The following FSTL4 variants were observed in gnomAD, a reference collection of about 807,000 sequenced individuals.
FSTL4 encodes follistatin like 4.
Under a neutral mutation model 78.2 loss-of-function variants are expected in FSTL4, and 28 were observed. The observed-to-expected ratio is 0.36, with a 90% CI of 0.27 to 0.49. FSTL4 has a LOEUF of 0.49. Among genes scored for constraint, FSTL4 ranks in the 20% least tolerant of loss-of-function variants. FSTL4 has a pLI of 0.98. For missense variants in FSTL4, 922 were observed against 1,084.9 expected (o/e 0.85, Z 2.11); for synonymous variants, 422 against 440.5 (o/e 0.96, Z 0.53).
chr5:133,274,987 C>A (rs1752847280), intron 6 of FSTL4, among the ~76,000 whole-genome samples: 1 of 152,194 alleles, frequency 6.6e-6, no homozygotes, highest in Admixed American at 6.5e-5. Flanking sequence ...TTAGGCTGGG[C>A]ACAGTGGCTC....
intron 4 of FSTL4, among the ~76,000 whole-genome samples, chr5:133,391,995 T>C (rs1755861452): frequency 6.6e-6 from 1 of 152,188 alleles, no homozygotes; most frequent in Non-Finnish European, 1.5e-5. Context: ...CCAAATAGTA[T>C]CTGATGCATA....
chr5:133,201,146 C>T (rs984919656), intron 15 of FSTL4, among the ~76,000 whole-genome samples: 28 of 152,146 alleles, frequency 1.8e-4, no homozygotes, highest in African/African-American at 5.8e-4. Context: ...TGCTTGATGG[C>T]GGATTATAGA....
intron 3 of FSTL4, among the ~76,000 whole-genome samples, chr5:133,476,327 G>A (rs1472643422): frequency 1.3e-5 from 2 of 152,126 alleles, no homozygotes; most frequent in Admixed American, 6.5e-5. Flanking sequence ...ATGGCCCCTC[G>A]ACCGCCTTGT....
chr5:133,688,174 C>T, the FSTL4 span, among the ~76,000 whole-genome samples: 2 of 152,178 alleles, frequency 1.3e-5, no homozygotes, highest in East Asian at 1.9e-4. Context: ...TTTGAGAGGT[C>T]GAGGCAGGCG....
intron 3 of FSTL4, among the ~76,000 whole-genome samples, chr5:133,479,191 G>A (rs141320331): frequency 2.3e-4 from 35 of 152,270 alleles, no homozygotes; most frequent in African/African-American, 8.2e-4. Context: ...CTGCTTGCCT[G>A]CATGACAATC....
intron 3 of FSTL4, among the ~76,000 whole-genome samples, chr5:133,402,311 C>T (rs1051912023): frequency 2.0e-5 from 3 of 152,200 alleles, no homozygotes; most frequent in African/African-American, 7.2e-5. Context: ...AAAGGCGAAA[C>T]AGGCGTCCAT....
chr5:133,269,660 G>A (rs1752726235), intron 6 of FSTL4, among the ~76,000 whole-genome samples: 1 of 152,162 alleles, frequency 6.6e-6, no homozygotes, highest in East Asian at 1.9e-4. Context: ...CACTAGAGAT[G>A]GTCCTTTGTC....
chr5:133,826,772 T>C, the FSTL4 span, among the ~76,000 whole-genome samples: 1 of 152,250 alleles, frequency 6.6e-6, no homozygotes, highest in African/African-American at 2.4e-5. Flanking sequence ...GGACCACCTA[T>C]TCAACCTAGT....
chr5:133,220,086 C>T (rs2061742560), intron 12 of FSTL4, among the ~76,000 whole-genome samples: 1 of 152,256 alleles, frequency 6.6e-6, no homozygotes, highest in African/African-American at 2.4e-5. Context: ...GGCTCCAAGC[C>T]CGTAACTATT....
the FSTL4 span, among the ~76,000 whole-genome samples, chr5:133,621,967 T>C: frequency 6.6e-6 from 1 of 152,294 alleles, no homozygotes; most frequent in Non-Finnish European, 1.5e-5. Context: ...AACTGACATG[T>C]ATAAAATGAA....
intron 4 of FSTL4, among the ~76,000 whole-genome samples, chr5:133,328,239 C>T (rs1021877251): frequency 9.9e-5 from 15 of 152,218 alleles, no homozygotes; most frequent in East Asian, 3.9e-4. Flanking sequence ...CACCTGAATA[C>T]GCAGACAATG....
At chr5:133,684,621 T>C in the FSTL4 span, among the ~76,000 whole-genome samples, 50,809 of 152,060 alleles carry the variant, frequency 0.33, 8,753 homozygotes, top group East Asian at 0.41. Context: ...CTGGTCTTTC[T>C]GCCTTCGAGT....
At chr5:133,260,600 C>T (rs146652150) in intron 6 of FSTL4, among the ~76,000 whole-genome samples, 64 of 152,330 alleles carry the variant, frequency 4.2e-4, no homozygotes, top group African/African-American at 1.3e-3. Context: ...TCTCTAAGCA[C>T]GGCTCCCAGG....
intron 4 of FSTL4, among the ~76,000 whole-genome samples, chr5:133,389,957 C>T (rs975549241): frequency 3.3e-5 from 5 of 152,208 alleles, no homozygotes; most frequent in Non-Finnish European, 7.3e-5. Context: ...AGAGAGCTAG[C>T]CAGGCCGAAT....
chr5:133,769,959 G>A, the FSTL4 span, among the ~76,000 whole-genome samples: 2 of 152,048 alleles, frequency 1.3e-5, no homozygotes, highest in Non-Finnish European at 2.9e-5. Flanking sequence ...TGTGGCATTT[G>A]ATTTTCTGTT....
intron 3 of FSTL4, among the ~76,000 whole-genome samples, chr5:133,408,626 A>G (rs547689376): frequency 4.7e-4 from 71 of 152,238 alleles, no homozygotes; most frequent in African/African-American, 1.6e-3. Flanking sequence ...TTCCTACGGT[A>G]CTTGTGTTGA....
chr5:133,567,208 G>A lies in FSTL4; in HGVS notation c.138C>T (p.Ser46=). 1.2e-6 allele frequency: 2 copies of A among 1,608,618 alleles called. No individual in the cohort carries two copies. The highest frequency in any genetic ancestry group is 1.7e-6 in the Non-Finnish European group (2 of 1,175,016). ...VGESQAEEPR[S]FEVTRREGLS... ...TACCTTCTCTTCTTGTGACTTCAAAGCTTCTGGGCTCCTGCAAGAAAAGAA... is the reference window on the plus strand; with the variant it reads ...TACCTTCTCTTCTTGTGACTTCAAAACTTCTGGGCTCCTGCAAGAAAAGAA... Residue 46 remains serine, a synonymous_variant, in exon 3 of 16, where the codon AGC becomes AGT. Transcript: ENST00000265342.
the FSTL4 span, among the ~76,000 whole-genome samples, chr5:133,788,976 T>G: frequency 6.6e-6 from 1 of 152,120 alleles, no homozygotes; most frequent in Non-Finnish European, 1.5e-5. Context: ...AGAGGCTGAT[T>G]GCACTGGGCA....
intron 6 of FSTL4, among the ~76,000 whole-genome samples, chr5:133,264,189 C>G (rs1274879061): frequency 4.6e-5 from 7 of 152,156 alleles, no homozygotes; most frequent in African/African-American, 1.7e-4. Flanking sequence ...TAAATGGCTC[C>G]AAATACCAAT....
Sources: allele counts gnomAD v4.1 joint callset (sites outside exome capture counted in the v4.1 genomes callset), GRCh38; gene constraint gnomAD v4.1.1; transcripts MANE v1.5; gene names NCBI Gene and HGNC (gene_info 2026-07-23, HGNC 2026-07-21).